Variants in TAOK3 observed in about 807,000 individuals in gnomAD.
The protein encoded by TAOK3 is serine/threonine-protein kinase TAO3.
In TAOK3, 40 loss-of-function variants were observed where a neutral mutation model predicts 120.4. The observed-to-expected ratio is 0.33, with a 90% CI of 0.26 to 0.43. TAOK3 has a LOEUF of 0.43. TAOK3 is among the 20% of genes least tolerant of loss of function. The probability of loss-of-function intolerance (pLI) is 1.00; values close to 1 mark genes in which losing one functional copy is unlikely to be tolerated. For missense variants in TAOK3, 821 were observed against 1,112.1 expected, an observed-to-expected ratio of 0.74 and a Z score of 3.72; for synonymous variants, 355 against 387.5, an observed-to-expected ratio of 0.92 and a Z score of 0.99.
In TAOK3 at chr12:118,372,057, A is replaced by C; in HGVS notation, c.-194+591T>G. 7.0e-6 allele frequency among the ~76,000 whole-genome samples: 1 copy of C among 142,522 alleles called. No individual in the cohort carries two copies. Among genetic ancestry groups the C allele is most frequent in the Non-Finnish European group, 1.5e-5 (1 of 65,100 alleles). The allele number at this position is 142,522 out of a possible 152,430, so 93.5% of individuals were successfully genotyped here. On this transcript the variant is annotated intron_variant, in intron 1 of 20. Transcript: ENST00000392533. This position sits in a 1 kb window ranked among gnomAD's most constrained non-coding sequence, Gnocchi z 4.6. The stretch of plus-strand genomic sequence containing the variant: ...TTGGCCCTTCCTGGGGTCTTCTCAC[A>C]CTCTGTTCTAAGCCCTCTGGGGATC...
intron 1 of TAOK3, among the ~76,000 whole-genome samples, chr12:118,365,994 G>A (rs191951158): frequency 6.6e-6 from 1 of 152,342 alleles, no homozygotes; most frequent in African/African-American, 2.4e-5. Context: ...GCTGGGCGCA[G>A]TGGCTCACAC....
At chr12:118,173,432 T>TGGGGAGAACAGAATGAAGGA (rs2036129062) in intron 16 of TAOK3, among the ~76,000 whole-genome samples, 1 of 152,014 alleles carries the variant, frequency 6.6e-6, no homozygotes, top group South Asian at 2.1e-4. Flanking sequence ...CTGGCTGCCA[T>TGGGGAGAACAGAATGAAGGA]GGGGAGAACA....
intron 3 of TAOK3, among the ~76,000 whole-genome samples, chr12:118,247,174 T>G (rs1419986341): frequency 6.6e-6 from 1 of 152,166 alleles, no homozygotes. Context: ...TTTTAAATTT[T>G]AATAGTTAAC....
At position 118,182,545 on chromosome 12, in the gene TAOK3, T is replaced by C. The variant is rs963155014; in HGVS notation, c.1330-938A>G. The stretch of plus-strand genomic sequence containing the variant: ...TGTTCCCTTGGGAACAAAATTCCTC[T>C]AGTTGAGAACTACTACACTGGTTTG... On this transcript the variant is annotated intron_variant, in intron 14 of 20. Coordinates refer to ENST00000392533, the MANE Select transcript of TAOK3 (RefSeq NM_016281.4). Among the ~76,000 whole-genome samples, 22 of 149,960 alleles carry C rather than the reference T, an allele frequency of 1.5e-4. No homozygotes were observed. The South Asian group carries it at 1.5e-3, about 10-fold the overall frequency.
intron 1 of TAOK3, among the ~76,000 whole-genome samples, chr12:118,335,397 A>C (rs1000685913): frequency 6.6e-6 from 1 of 152,136 alleles, no homozygotes; most frequent in East Asian, 1.9e-4. Flanking sequence ...CCGATTTCTC[A>C]ATTTCTCTAA....
At chr12:118,320,130 A>C (rs1034335357) in intron 1 of TAOK3, among the ~76,000 whole-genome samples, 2 of 152,242 alleles carry the variant, frequency 1.3e-5, no homozygotes, top group African/African-American at 4.8e-5. Context: ...CTTGTATGAA[A>C]TATTTAGAAT....
In TAOK3 at chr12:118,152,233, C is replaced by T; in HGVS notation, c.2529G>A (p.Glu843=). Residue 843 remains glutamate (E), a synonymous_variant, in exon 20 of 21, where the codon GAG becomes GAA. Transcript: ENST00000392533. Reference sequence around the variant, plus strand: ...CCTGGTAATGCTCCCTTACCTTCTGCTCAAGGTGTGCTCTGCGCAGAGACA... The same window carrying T: ...CCTGGTAATGCTCCCTTACCTTCTGTTCAAGGTGTGCTCTGCGCAGAGACA... ...QRVSLRRAHL[E]QKIEEELAAL... 6.2e-7 allele frequency: 1 copy of T among 1,613,476 alleles called. No individual in the cohort carries two copies. Among genetic ancestry groups the T allele is most frequent in the South Asian group, 1.1e-5 (1 of 91,042 alleles).
chr12:118,199,717 T>C, intron 12 of TAOK3: 1 of 181,052 alleles, frequency 5.5e-6, no homozygotes, highest in Admixed American at 5.4e-5. Flanking sequence ...TGACAAGCAA[T>C]ATGCTCCCTC....
At chr12:118,232,403 A>ACAT (rs2039823463) in intron 9 of TAOK3, among the ~76,000 whole-genome samples, 1 of 152,254 alleles carries the variant, frequency 6.6e-6, no homozygotes, top group Admixed American at 6.5e-5. Flanking sequence ...ATACAGTTTT[A>ACAT]GAGTCAGATC....
intron 1 of TAOK3, among the ~76,000 whole-genome samples, chr12:118,309,851 T>G (rs188334569): frequency 2.8e-4 from 42 of 152,242 alleles, no homozygotes; most frequent in Admixed American, 1.2e-3. Flanking sequence ...CCTGGCTATG[T>G]GCTGGGTAGC....
intron 11 of TAOK3, among the ~76,000 whole-genome samples, chr12:118,203,741 A>C (rs948061519): frequency 1.5e-4 from 22 of 150,756 alleles, no homozygotes; most frequent in Non-Finnish European, 2.4e-4. Context: ...TAAAGGATTG[A>C]GGACTGGGAA....
intron 9 of TAOK3, among the ~76,000 whole-genome samples, chr12:118,230,044 A>G (rs1042829023): frequency 3.9e-5 from 6 of 152,148 alleles, no homozygotes; most frequent in African/African-American, 1.4e-4. Context: ...GGGTACTATC[A>G]TTATTTCTAT....
intron 1 of TAOK3, among the ~76,000 whole-genome samples, chr12:118,345,911 G>C (rs2044838074): frequency 6.6e-6 from 1 of 152,174 alleles, no homozygotes; most frequent in Non-Finnish European, 1.5e-5. Flanking sequence ...TGAAGTGGAA[G>C]TTATATTTAG....
At chr12:118,342,458 GA>G (rs2044655036) in intron 1 of TAOK3, among the ~76,000 whole-genome samples, 1 of 152,102 alleles carries the variant, frequency 6.6e-6, no homozygotes. Context: ...TTTAAAATTT[GA>G]AACAATAAAG....
At chr12:118,357,841 G>A (rs560104486) in intron 1 of TAOK3, among the ~76,000 whole-genome samples, 2 of 152,290 alleles carry the variant, frequency 1.3e-5, no homozygotes, top group East Asian at 1.9e-4. Flanking sequence ...TAAGGAAAAA[G>A]AACGTGCTAT....
At chr12:118,267,993 AT>A (rs1751198393) in intron 1 of TAOK3, among the ~76,000 whole-genome samples, 1 of 151,988 alleles carries the variant, frequency 6.6e-6, no homozygotes, top group African/African-American at 2.4e-5. Flanking sequence ...TTCTGCCTGC[AT>A]TTTTAAAATG....
chr12:118,338,050 A>C (rs565554662), intron 1 of TAOK3, among the ~76,000 whole-genome samples: 1 of 152,212 alleles, frequency 6.6e-6, no homozygotes, highest in Non-Finnish European at 1.5e-5. Flanking sequence ...AGTGCGTGTA[A>C]ATCTACAATT....
At position 118,372,095 on chromosome 12, in the gene TAOK3, A is replaced by T. The variant is rs1474363417; in HGVS notation, c.-194+553T>A. Among the ~76,000 whole-genome samples, 1 of 148,932 alleles carries T rather than the reference A, an allele frequency of 6.7e-6. No individual in the cohort carries two copies. The highest frequency in any genetic ancestry group is 2.5e-5 in the African/African-American group (1 of 40,032). On this transcript the variant is annotated intron_variant, in intron 1 of 20. Coordinates refer to ENST00000392533, the MANE Select transcript of TAOK3 (RefSeq NM_016281.4). The surrounding 1 kb of genome is among the most constrained non-coding windows in gnomAD (Gnocchi z 4.6). The stretch of plus-strand genomic sequence containing the variant: ...CCCTCTGGGGATCCCCTGTCTTCAC[A>T]TCCCCTGACCGGTCCCCTCTCTTTA...
At chr12:118,267,908 GA>G (rs1169291533) in intron 1 of TAOK3, among the ~76,000 whole-genome samples, 8 of 142,336 alleles carry the variant, frequency 5.6e-5, no homozygotes, top group Non-Finnish European at 9.3e-5. Flanking sequence ...AAAAAGGAAA[GA>G]AAAAAATCCA....
Sources: gnomAD v4.1 joint callset for allele counts (sites outside exome capture counted in the v4.1 genomes callset) on GRCh38, gnomAD v4.1.1 for gene constraint, Gnocchi (gnomAD v3.1) non-coding constraint, MANE v1.5 for transcripts, NCBI Gene and HGNC (gene_info 2026-07-23, HGNC 2026-07-21) for gene names.